Variants in PACRG observed in about 807,000 individuals in gnomAD.
PACRG encodes parkin coregulated.
A neutral mutation model predicts 29.7 loss-of-function variants in PACRG; 29 were observed. The ratio of observed to expected loss-of-function variants is 0.98; its 90% confidence interval spans 0.73 to 1.33. PACRG has a LOEUF of 1.33. Among genes scored for constraint, PACRG ranks in the 40% most tolerant of loss-of-function variants. PACRG has a pLI of 0.00. For synonymous variants in PACRG, 116 were observed against 118.7 expected (o/e 0.98, Z 0.15); for missense variants, 279 against 316.2 (o/e 0.88, Z 0.89).
chr6:162,768,555 CTG>C (rs1782975236), intron 1 of PACRG, among the ~76,000 whole-genome samples: 4 of 152,006 alleles, frequency 2.6e-5, no homozygotes, highest in Admixed American at 1.3e-4. Flanking sequence ...ACTTAGGTAA[CTG>C]TTAGGCTTTC....
At chr6:162,739,513 T>C (rs890809368) in intron 1 of PACRG, among the ~76,000 whole-genome samples, 3 of 152,170 alleles carry the variant, frequency 2.0e-5, no homozygotes, top group African/African-American at 7.2e-5. Context: ...GTATTTATAC[T>C]TATCACATTC....
intron 4 of PACRG, among the ~76,000 whole-genome samples, chr6:163,303,427 A>G (rs1461371077): frequency 2.0e-5 from 3 of 152,226 alleles, no homozygotes; most frequent in African/African-American, 7.2e-5. Flanking sequence ...CATCATTAAC[A>G]TTACCTAGAA....
chr6:162,776,547 A>G (rs766281987), intron 1 of PACRG, among the ~76,000 whole-genome samples: 4 of 152,220 alleles, frequency 2.6e-5, no homozygotes, highest in Non-Finnish European at 5.9e-5. Context: ...GCACAAGCCA[A>G]CAGGGGATAG....
At chr6:162,967,977 A>G (rs1189222603) in intron 2 of PACRG, among the ~76,000 whole-genome samples, 1 of 152,208 alleles carries the variant, frequency 6.6e-6, no homozygotes, top group Non-Finnish European at 1.5e-5. Context: ...CACCTTAAAA[A>G]TTGGATGCTA....
rs938430037 is a variant in PACRG at position 163,055,330 on chromosome 6, GCACACACACATGCACACACACA to G, written c.292-6818_292-6797del. ...CACACATGCACACATATCCAGGTGT[GCACACACACATGCACACACACA>G]CGCACACACACGCACACATATACAC... On this transcript the variant is annotated intron_variant, in intron 2 of 4. Coordinates refer to ENST00000366888, the MANE Select transcript of PACRG (RefSeq NM_001080379.2). This position sits in a 1 kb window ranked among gnomAD's most constrained non-coding sequence, Gnocchi z 4.0. Among the ~76,000 whole-genome samples the G allele has an allele frequency of 9.3e-6, 1 of 107,494 alleles. No homozygotes were observed. The highest frequency in any genetic ancestry group is 3.7e-5 in the African/African-American group (1 of 26,900). 70.5% of individuals were successfully genotyped at this position (107,494 alleles called of 152,430 possible).
At chr6:162,779,777 T>A (rs1189302103) in intron 1 of PACRG, among the ~76,000 whole-genome samples, 1 of 152,178 alleles carries the variant, frequency 6.6e-6, no homozygotes, top group African/African-American at 2.4e-5. Flanking sequence ...CTAATCAAGA[T>A]GGAACAGCAG....
intron 2 of PACRG, among the ~76,000 whole-genome samples, chr6:162,858,790 T>C (rs889749524): frequency 1.3e-5 from 2 of 152,110 alleles, no homozygotes; most frequent in African/African-American, 4.8e-5. Flanking sequence ...CCTTCCCTCC[T>C]GGTATAGGGC....
intron 4 of PACRG, among the ~76,000 whole-genome samples, chr6:163,129,128 A>G (rs2128328160): frequency 6.6e-6 from 1 of 152,306 alleles, no homozygotes; most frequent in South Asian, 2.1e-4. Context: ...TCTCATTTAC[A>G]AGTAGAGCTT....
In PACRG at chr6:162,816,013, G is replaced by C. The variant is rs965931583; in HGVS notation, c.291+1732G>C. On this transcript the variant is annotated intron_variant, in intron 2 of 4. Transcript: ENST00000366888. ...TATGAGCAACCTTTAGAAGTGTAGA[G>C]ACTAGAAAAAATCATTTTGAAAATA... Among the ~76,000 whole-genome samples, 14 of 151,984 alleles carry C rather than the reference G, an allele frequency of 9.2e-5. No individual in the cohort carries two copies. In the East Asian group the frequency reaches 9.6e-4, roughly 10 times the overall value.
intron 2 of PACRG, among the ~76,000 whole-genome samples, chr6:162,929,455 G>A (rs1797689101): frequency 1.3e-5 from 2 of 151,826 alleles, no homozygotes; most frequent in South Asian, 4.1e-4. Flanking sequence ...ATTGAGTTGA[G>A]TCCCTTATAA....
At chr6:163,307,641 GC>G (rs1378588835) in intron 4 of PACRG, among the ~76,000 whole-genome samples, 1 of 152,134 alleles carries the variant, frequency 6.6e-6, no homozygotes, top group Non-Finnish European at 1.5e-5. Flanking sequence ...GCTAAGCATG[GC>G]CCAGACACAG....
chr6:163,101,440 T>C (rs1263102339), intron 4 of PACRG: 10 of 929,410 alleles, frequency 1.1e-5, no homozygotes, highest in Non-Finnish European at 1.3e-5. Flanking sequence ...CTTTATTTAT[T>C]ATAAATATGA....
intron 4 of PACRG, chr6:163,191,470 T>G (rs949782390): frequency 2.8e-6 from 1 of 359,324 alleles, no homozygotes; most frequent in Non-Finnish European, 5.5e-6. Flanking sequence ...TGCACCACCC[T>G]TGGGGGAGGT....
intron 1 of PACRG, among the ~76,000 whole-genome samples, chr6:162,753,396 C>T (rs1196180914): frequency 6.6e-6 from 1 of 152,086 alleles, no homozygotes. Flanking sequence ...AGCATAGTGT[C>T]CTCCACATTC....
intron 4 of PACRG, among the ~76,000 whole-genome samples, chr6:163,188,262 T>C (rs996218511): frequency 1.3e-5 from 2 of 152,216 alleles, no homozygotes; most frequent in African/African-American, 4.8e-5. Context: ...TGCATAGTCA[T>C]CTTTTACCAA....
chr6:163,221,996 G>A (rs927551251), intron 4 of PACRG, among the ~76,000 whole-genome samples: 3 of 152,158 alleles, frequency 2.0e-5, no homozygotes, highest in Admixed American at 6.5e-5. Context: ...ATCACCTGGC[G>A]ATATTCAGGT....
intron 1 of PACRG, among the ~76,000 whole-genome samples, chr6:162,794,610 T>C (rs1266592647): frequency 3.3e-5 from 5 of 152,218 alleles, no homozygotes; most frequent in Non-Finnish European, 5.9e-5. Context: ...CAGAATTGAA[T>C]TTCATATATG....
intron 2 of PACRG, among the ~76,000 whole-genome samples, chr6:163,005,523 A>AT (rs1476600812): frequency 6.6e-6 from 1 of 151,454 alleles, no homozygotes; most frequent in African/African-American, 2.4e-5. Context: ...ATACTTAAAA[A>AT]TTTTTCTTCT....
intron 2 of PACRG, among the ~76,000 whole-genome samples, chr6:162,995,754 T>C (rs1803978627): frequency 6.6e-6 from 1 of 152,244 alleles, no homozygotes; most frequent in South Asian, 2.1e-4. Context: ...TTCGGCCATC[T>C]TGGCTCCTAG....
Sources: allele counts gnomAD v4.1 joint callset (sites outside exome capture counted in the v4.1 genomes callset), GRCh38; gene constraint gnomAD v4.1.1; non-coding constraint Gnocchi (gnomAD v3.1); transcripts MANE v1.5; gene names NCBI Gene and HGNC (gene_info 2026-07-23, HGNC 2026-07-21).